The following PALM2AKAP2 variants were observed in gnomAD, a reference collection of about 807,000 sequenced individuals.
PALM2AKAP2 encodes the protein PALM2-AKAP2 fusion protein.
A neutral mutation model predicts 71.5 loss-of-function variants in PALM2AKAP2; 37 were observed. That is an observed-to-expected ratio of 0.52 (90% CI 0.40 to 0.68). PALM2AKAP2 has a LOEUF of 0.68. PALM2AKAP2 is among the 30% of genes least tolerant of loss of function. The pLI is 0.00. For missense variants in PALM2AKAP2, 1,224 were observed against 1,191.8 expected (o/e 1.03, Z -0.40); for synonymous variants, 468 against 478.8 (o/e 0.98, Z 0.29).
rs115184032 is a variant in PALM2AKAP2 at position 109,844,665 on chromosome 9, A to G, written c.46-22826A>G. Among the ~76,000 whole-genome samples the G allele has an allele frequency of 3.4e-3, 525 of 152,340 alleles. 3 individuals are homozygous for G. The highest frequency in any genetic ancestry group is 0.012 in the African/African-American group (493 of 41,562). On this transcript the variant is annotated intron_variant, in intron 1 of 9. Transcript: ENST00000302798. ...ATGCCAAGTGTATATGTGTGAGTAC[A>G]CACGTGCTCTCACATGTGCATGTGT...
intron 6 of PALM2AKAP2, among the ~76,000 whole-genome samples, chr9:109,950,979 A>G (rs930505560): frequency 2.5e-4 from 38 of 152,226 alleles, no homozygotes; most frequent in African/African-American, 8.7e-4. Flanking sequence ...GATCCAAACT[A>G]TTCTGTATGT....
intron 6 of PALM2AKAP2, chr9:109,944,108 T>C (rs1198727103): frequency 6.6e-6 from 1 of 152,602 alleles, no homozygotes; most frequent in Non-Finnish European, 1.5e-5. Flanking sequence ...CATCAGCGGT[T>C]GTCTCTCTTT....
At chr9:109,882,623 A>G (rs1446519062) in intron 3 of PALM2AKAP2, among the ~76,000 whole-genome samples, 1 of 151,698 alleles carries the variant, frequency 6.6e-6, no homozygotes, top group African/African-American at 2.4e-5. Flanking sequence ...TAGTTACATG[A>G]CCTTTTCTAT....
chr9:110,150,525 A>G (rs954107961), intron 2 of PALM2AKAP2, among the ~76,000 whole-genome samples: 1 of 152,074 alleles, frequency 6.6e-6, no homozygotes, highest in Non-Finnish European at 1.5e-5. Context: ...TCCTACAATT[A>G]CATCAGACCC....
chr9:110,151,265 G>A (rs969949168), intron 2 of PALM2AKAP2, among the ~76,000 whole-genome samples: 17 of 152,114 alleles, frequency 1.1e-4, no homozygotes, highest in Non-Finnish European at 2.4e-4. Context: ...TAACCAGGCT[G>A]GTCTCAAACT....
intron 1 of PALM2AKAP2, among the ~76,000 whole-genome samples, chr9:110,135,291 T>C (rs1442928683): frequency 1.1e-3 from 55 of 48,578 alleles, no homozygotes; most frequent in Non-Finnish European, 1.7e-3. Context: ...CAGAGCAAAA[T>C]CCCATCTCAA....
chr9:109,880,235 T>C (rs1213918518), intron 2 of PALM2AKAP2, among the ~76,000 whole-genome samples: 2 of 152,230 alleles, frequency 1.3e-5, no homozygotes, highest in South Asian at 2.1e-4. Flanking sequence ...TGTTATTTAG[T>C]TTAAAATCAT....
intron 1 of PALM2AKAP2, among the ~76,000 whole-genome samples, chr9:109,717,388 A>G (rs1462667814): frequency 6.6e-6 from 1 of 152,130 alleles, no homozygotes; most frequent in Non-Finnish European, 1.5e-5. Flanking sequence ...AACAGTCAAG[A>G]TCTGAGTAGC....
chr9:110,108,376 G>C (rs1835167023), intron 1 of PALM2AKAP2, among the ~76,000 whole-genome samples: 1 of 152,130 alleles, frequency 6.6e-6, no homozygotes, highest in African/African-American at 2.4e-5. Context: ...GTCTCCCAAA[G>C]TGCTGGGATT....
intron 5 of PALM2AKAP2, among the ~76,000 whole-genome samples, chr9:109,929,169 GT>G (rs35064231): frequency 8.4e-4 from 116 of 137,716 alleles, no homozygotes; most frequent in African/African-American, 1.7e-3. Flanking sequence ...TCTGTAAGTA[GT>G]TTTTTTTTTT....
intron 1 of PALM2AKAP2, among the ~76,000 whole-genome samples, chr9:110,110,625 C>G (rs138910360): frequency 0.02 from 2,889 of 146,424 alleles, 104 homozygotes; most frequent in African/African-American, 0.068. Flanking sequence ...TGGCTCACTG[C>G]AACCTCTGCC....
intron 6 of PALM2AKAP2, among the ~76,000 whole-genome samples, chr9:110,002,116 GT>G (rs1444281612): frequency 6.6e-6 from 1 of 152,142 alleles, no homozygotes; most frequent in Non-Finnish European, 1.5e-5. Context: ...AATGCTTCCA[GT>G]TTTTGCCCAT....
At position 110,070,924 on chromosome 9, in the gene PALM2AKAP2, G is replaced by T. The variant is rs545731061; in HGVS notation, c.156+22069G>T. On this transcript the variant is annotated intron_variant, in intron 1 of 3. Transcript: ENST00000374525. ...TGCCTGTAATCCCAGCACTTTGGGAGGCTGACGTGGGTGGATCACTTGAAG... is the reference window on the plus strand; with the variant it reads ...TGCCTGTAATCCCAGCACTTTGGGATGCTGACGTGGGTGGATCACTTGAAG... Among the ~76,000 whole-genome samples the T allele has an allele frequency of 2.0e-5, 3 of 152,166 alleles. No individual in the cohort carries two copies. The South Asian group carries it at 6.2e-4, about 32-fold the overall frequency.
rs564320812 is a variant in PALM2AKAP2, at chr9:109,975,306, C to G, written c.497-40648C>G. 6.6e-5 allele frequency among the ~76,000 whole-genome samples: 10 copies of G among 152,258 alleles called. No homozygotes were observed. The South Asian group carries it at 2.1e-3, about 32-fold the overall frequency. On this transcript the variant is annotated intron_variant, in intron 6 of 9. Transcript: ENST00000302798. ...CAGTGGCACAAGTCCCAATCCAGGT[C>G]CAATGGTCCAAGAACCAGGGGCACC...
chr9:110,018,338 AT>A (rs1233683981), intron 7 of PALM2AKAP2, among the ~76,000 whole-genome samples: 1 of 151,940 alleles, frequency 6.6e-6, no homozygotes, highest in Non-Finnish European at 1.5e-5. Context: ...TTATTTCTTT[AT>A]TCATTTTGAG....
chr9:109,729,597 C>A (rs1828525360), intron 1 of PALM2AKAP2, among the ~76,000 whole-genome samples: 1 of 152,100 alleles, frequency 6.6e-6, no homozygotes, highest in Admixed American at 6.5e-5. Flanking sequence ...CCCCAACAGC[C>A]CCTTGGTAGA....
chr9:109,858,745 G>A (rs1006993586), intron 1 of PALM2AKAP2, among the ~76,000 whole-genome samples: 2 of 152,196 alleles, frequency 1.3e-5, no homozygotes, highest in Non-Finnish European at 2.9e-5. Context: ...CCACCACAAG[G>A]GGCTTATCAA....
intron 6 of PALM2AKAP2, chr9:109,943,877 G>GTTATAT (rs2132048994): frequency 6.2e-6 from 1 of 160,418 alleles, no homozygotes; most frequent in East Asian, 1.8e-4. Context: ...ATCTTGTGTG[G>GTTATAT]CAAAATGCTG....
intron 1 of PALM2AKAP2, among the ~76,000 whole-genome samples, chr9:109,697,042 T>G (rs1395760178): frequency 6.6e-6 from 1 of 152,162 alleles, no homozygotes. Flanking sequence ...AAGATTCTCT[T>G]GAAAGCACTT....
Sources: allele counts gnomAD v4.1 joint callset (sites outside exome capture counted in the v4.1 genomes callset), GRCh38; gene constraint gnomAD v4.1.1; transcripts MANE v1.5; gene names NCBI Gene and HGNC (gene_info 2026-07-23, HGNC 2026-07-21).